The following EPHA3 variants were observed in gnomAD, a reference collection of about 807,000 sequenced individuals.
The protein encoded by EPHA3 is ephrin type-A receptor 3.
EPHA3 carries 42 observed loss-of-function variants against 107.1 expected under a neutral mutation model. The ratio of observed to expected loss-of-function variants is 0.39; its 90% confidence interval spans 0.31 to 0.51. The LOEUF (loss-of-function observed/expected upper bound fraction) is 0.51, where lower values mean the gene tolerates loss of function less well. Among genes scored for constraint, EPHA3 ranks in the 20% least tolerant of loss-of-function variants. EPHA3 has a pLI of 0.78. For missense variants in EPHA3, 1,183 were observed against 1,211.2 expected (o/e 0.98, Z 0.35); for synonymous variants, 461 against 424.8 (o/e 1.09, Z -1.05).
At chr3:89,453,148 A>G (rs1241658961) in intron 15 of EPHA3, among the ~76,000 whole-genome samples, 23 of 152,068 alleles carry the variant, frequency 1.5e-4, no homozygotes, top group Admixed American at 1.4e-3. Flanking sequence ...TTCCTGGGCC[A>G]TATGGTCCTC....
At chr3:89,455,022 G>T (rs1283869019) in intron 15 of EPHA3, among the ~76,000 whole-genome samples, 1 of 151,964 alleles carries the variant, frequency 6.6e-6, no homozygotes, top group Non-Finnish European at 1.5e-5. Context: ...AATTAAAAAA[G>T]AAAATTTTGA....
At chr3:89,200,961 C>A (rs1472966989) in intron 2 of EPHA3, among the ~76,000 whole-genome samples, 2 of 152,066 alleles carry the variant, frequency 1.3e-5, no homozygotes, top group African/African-American at 2.4e-5. Flanking sequence ...GTTCCAGCCA[C>A]CCCAGCCCTG....
intron 3 of EPHA3, among the ~76,000 whole-genome samples, chr3:89,329,119 A>G (rs910436346): frequency 2.6e-5 from 4 of 152,200 alleles, no homozygotes; most frequent in Non-Finnish European, 4.4e-5. Context: ...TCTAAAAAGT[A>G]ACTCCAAAGG....
intron 2 of EPHA3, among the ~76,000 whole-genome samples, chr3:89,157,088 T>A (rs1291364927): frequency 6.6e-6 from 1 of 152,008 alleles, no homozygotes; most frequent in Non-Finnish European, 1.5e-5. Context: ...CACTGACAGT[T>A]CTGGTTTGCA....
At chr3:89,234,899 C>A (rs2107232002) in intron 3 of EPHA3, among the ~76,000 whole-genome samples, 1 of 143,992 alleles carries the variant, frequency 6.9e-6, no homozygotes, top group South Asian at 2.3e-4. Flanking sequence ...CCCTTCTTTC[C>A]TTCTCTTCCT....
rs79924453 is a variant in EPHA3, at chr3:89,338,078, G to A, written c.815-2838G>A. Among the ~76,000 whole-genome samples the A allele has an allele frequency of 4.6e-3, 700 of 152,172 alleles. 4 individuals are homozygous for A. The highest frequency in any genetic ancestry group is 0.013 in the African/African-American group (520 of 41,518). On this transcript the variant is annotated intron_variant, in intron 3 of 16. Transcript: ENST00000336596. ...AAAAGGTATCACAAATATTTTAATC[G>A]GACTTCTGTGTACATTTCTTTGCCC...
At chr3:89,234,707 C>A (rs1704712637) in intron 3 of EPHA3, among the ~76,000 whole-genome samples, 1 of 150,328 alleles carries the variant, frequency 6.7e-6, no homozygotes, top group Non-Finnish European at 1.5e-5. Flanking sequence ...TCCTTCTTTC[C>A]CCCTTCCCTT....
chr3:89,388,937 C>A (rs1708673708), intron 5 of EPHA3, among the ~76,000 whole-genome samples: 1 of 152,094 alleles, frequency 6.6e-6, no homozygotes, highest in Non-Finnish European at 1.5e-5. Flanking sequence ...AGTTGAAATT[C>A]TGAAAATATT....
At chr3:89,390,725 G>A (rs1021096083) in intron 5 of EPHA3, among the ~76,000 whole-genome samples, 2 of 151,794 alleles carry the variant, frequency 1.3e-5, no homozygotes, top group African/African-American at 4.8e-5. Context: ...AAAACACTGT[G>A]AGCAAGTCAA....
At chr3:89,161,287 G>C (rs1252890573) in intron 2 of EPHA3, among the ~76,000 whole-genome samples, 2 of 152,126 alleles carry the variant, frequency 1.3e-5, no homozygotes, top group Non-Finnish European at 2.9e-5. Flanking sequence ...AAGAAATATA[G>C]TGAAGTCTCT....
intron 5 of EPHA3, among the ~76,000 whole-genome samples, chr3:89,364,671 C>T (rs2107462424): frequency 6.6e-6 from 1 of 150,528 alleles, no homozygotes; most frequent in East Asian, 1.9e-4. Context: ...ACTTGTTTTT[C>T]TAGATTTTAT....
At chr3:89,129,605 T>TG (rs1172343637) in intron 2 of EPHA3, among the ~76,000 whole-genome samples, 2 of 150,236 alleles carry the variant, frequency 1.3e-5, no homozygotes, top group Admixed American at 6.6e-5. Context: ...TTAGATTGTT[T>TG]TTTTTTTTTT....
At chr3:89,240,130 G>A (rs1185965640) in intron 3 of EPHA3, among the ~76,000 whole-genome samples, 5 of 152,162 alleles carry the variant, frequency 3.3e-5, no homozygotes, top group African/African-American at 1.2e-4. Context: ...TGGGACAAAA[G>A]CAGGTCGCAT....
intron 11 of EPHA3, among the ~76,000 whole-genome samples, chr3:89,427,709 C>CAACAAGTTGCTT (rs1709487622): frequency 6.6e-6 from 1 of 151,770 alleles, no homozygotes; most frequent in Non-Finnish European, 1.5e-5. Context: ...TGTATTACCT[C>CAACAAGTTGCTT]AACAAGTTGC....
chr3:89,295,243 C>T (rs1291152566), intron 3 of EPHA3, among the ~76,000 whole-genome samples: 1 of 152,178 alleles, frequency 6.6e-6, no homozygotes, highest in Non-Finnish European at 1.5e-5. Flanking sequence ...AGTGTACATA[C>T]CTTAGTTAAA....
At chr3:89,213,609 G>A (rs112372948) in intron 3 of EPHA3, among the ~76,000 whole-genome samples, 1,984 of 151,940 alleles carry the variant, frequency 0.013, 30 homozygotes, top group African/African-American at 0.042. Context: ...ATATTTTTAC[G>A]GTACCAAAGA....
intron 7 of EPHA3, chr3:89,399,851 C>T (rs934252143): frequency 9.2e-7 from 1 of 1,082,654 alleles, no homozygotes; most frequent in East Asian, 4.9e-5. Context: ...AAAAAAGAAA[C>T]TTGCTGATCC....
chr3:89,164,061 G>A (rs964932617), intron 2 of EPHA3, among the ~76,000 whole-genome samples: 18 of 152,258 alleles, frequency 1.2e-4, no homozygotes, highest in African/African-American at 4.3e-4. Context: ...TTAATCCAGT[G>A]ATGATTTTGA....
At chr3:89,439,308 C>G (rs1404719478) in intron 13 of EPHA3, among the ~76,000 whole-genome samples, 1 of 152,012 alleles carries the variant, frequency 6.6e-6, no homozygotes, top group African/African-American at 2.4e-5. Context: ...GTAACTAGTC[C>G]TCTTTTTCTA....
Sources: gnomAD v4.1 joint callset for allele counts (sites outside exome capture counted in the v4.1 genomes callset) on GRCh38, gnomAD v4.1.1 for gene constraint, MANE v1.5 for transcripts, NCBI Gene and HGNC (gene_info 2026-07-23, HGNC 2026-07-21) for gene names.